THSD4: variants seen among roughly 807,000 people sequenced by gnomAD.
The protein encoded by THSD4 is thrombospondin type 1 domain containing 4.
THSD4 carries 69 observed loss-of-function variants against 119.0 expected under a neutral mutation model. The observed-to-expected ratio is 0.58, with a 90% CI of 0.48 to 0.71. THSD4 has a LOEUF of 0.71. Among genes scored for constraint, THSD4 ranks in the 30% least tolerant of loss-of-function variants. The pLI is 0.00. For missense variants in THSD4, 1,393 were observed against 1,391.1 expected (o/e 1.00, Z -0.02); for synonymous variants, 524 against 540.4 (o/e 0.97, Z 0.42).
At chr15:71,153,440 A>G (rs967336630) in intron 2 of THSD4, among the ~76,000 whole-genome samples, 2 of 152,102 alleles carry the variant, frequency 1.3e-5, no homozygotes, top group Non-Finnish European at 2.9e-5. Flanking sequence ...CTCAGCTGCA[A>G]CTCCATGACA....
intron 6 of THSD4, among the ~76,000 whole-genome samples, chr15:71,283,999 G>A (rs1018778489): frequency 3.3e-5 from 5 of 152,118 alleles, no homozygotes; most frequent in African/African-American, 9.7e-5. Context: ...TCACATTTTA[G>A]TTGGATTAAA....
At chr15:71,559,331 T>C (rs528767676) in intron 7 of THSD4, among the ~76,000 whole-genome samples, 5 of 152,274 alleles carry the variant, frequency 3.3e-5, no homozygotes, top group South Asian at 4.1e-4. Flanking sequence ...ATAGTCTGTT[T>C]TGGTGGTTTC....
chr15:71,655,486 T>C (rs1304180658), intron 7 of THSD4, among the ~76,000 whole-genome samples: 1 of 152,196 alleles, frequency 6.6e-6, no homozygotes, highest in Admixed American at 6.5e-5. Context: ...TAAAAGTGAA[T>C]AGACTTCAGA....
At chr15:71,331,272 C>T (rs898364828) in intron 6 of THSD4, among the ~76,000 whole-genome samples, 1 of 152,166 alleles carries the variant, frequency 6.6e-6, no homozygotes, top group African/African-American at 2.4e-5. Context: ...TCTGAAATCT[C>T]CAACTGGGAT....
intron 6 of THSD4, chr15:71,348,327 T>G (rs2045695714): frequency 6.6e-6 from 1 of 152,222 alleles, no homozygotes; most frequent in Non-Finnish European, 1.5e-5. Flanking sequence ...AACCTGCGAT[T>G]CTGCATTTTA....
Position 71,242,861 on chromosome 15 carries a change from A to G in THSD4, c.677A>G (p.Gln226Arg). The change falls in exon 5 of 18, where the codon CAA becomes CGA. Residue 226 changes from glutamine to arginine, a missense_variant. By Grantham distance (43) the Gln-to-Arg change is conservative. Coordinates refer to ENST00000261862, the MANE Select transcript of THSD4 (RefSeq NM_024817.3). The stretch of plus-strand genomic sequence containing the variant: ...GTCCCCCAACATGGGCCTTTGTACC[A>G]AAGTGACAGTGGCCCTCGCTCTGGA... ...HQVPQHGPLYQSDSGPRSGLQ... is the reference protein window; with the variant it reads ...HQVPQHGPLYRSDSGPRSGLQ... 6.2e-7 allele frequency: 1 copy of G among 1,614,240 alleles called. No individual in the cohort carries two copies. Among genetic ancestry groups the G allele is most frequent in the Non-Finnish European group, 8.5e-7 (1 of 1,180,040 alleles).
chr15:71,664,664 T>C (rs2141003090), intron 8 of THSD4, among the ~76,000 whole-genome samples: 1 of 152,242 alleles, frequency 6.6e-6, no homozygotes, highest in East Asian at 1.9e-4. Flanking sequence ...CACCCTCAAG[T>C]AGGCCCTAGT....
intron 7 of THSD4, among the ~76,000 whole-genome samples, chr15:71,508,410 C>G (rs1209729856): frequency 1.3e-5 from 2 of 152,218 alleles, no homozygotes; most frequent in Non-Finnish European, 2.9e-5. Context: ...TCCCCAGGTT[C>G]AGATGGTCAT....
At chr15:71,183,329 A>G (rs2043555396) in intron 3 of THSD4, 1 of 151,742 alleles carries the variant, frequency 6.6e-6, no homozygotes. Context: ...GACATGTGGG[A>G]ATTACGAGAG....
chr15:71,728,638 A>G lies in THSD4; in HGVS notation c.1447A>G (p.Thr483Ala). The G allele has an allele frequency of 6.2e-7, 1 of 1,614,206 alleles. No individual in the cohort carries two copies. The highest frequency in any genetic ancestry group is 8.5e-7 in the Non-Finnish European group (1 of 1,180,044). Residue 483 changes from threonine (T) to alanine (A), a missense_variant, in exon 9 of 18, where the codon ACC becomes GCC. Transcript: ENST00000261862. ...GKYEGGGTMF[T>A]YKRPNEISST... ...ATACGAGGGCGGAGGGACCATGTTC[A>G]CCTACAAGCGTCCAAATGAGATTTC...
intron 1 of THSD4, among the ~76,000 whole-genome samples, chr15:71,137,966 A>G (rs570633507): frequency 6.6e-6 from 1 of 152,342 alleles, no homozygotes; most frequent in East Asian, 1.9e-4. Flanking sequence ...TTGACATCTT[A>G]TCAGATCTGT....
intron 6 of THSD4, chr15:71,348,317 A>T (rs2045695512): frequency 6.6e-6 from 1 of 152,212 alleles, no homozygotes; most frequent in South Asian, 2.1e-4. Context: ...GGTCCACATG[A>T]ACCTGCGATT....
chr15:71,347,495 A>G (rs2045681285), intron 6 of THSD4, among the ~76,000 whole-genome samples: 1 of 152,096 alleles, frequency 6.6e-6, no homozygotes, highest in Non-Finnish European at 1.5e-5. Context: ...TCTACTTTCT[A>G]TCTATATACA....
intron 6 of THSD4, among the ~76,000 whole-genome samples, chr15:71,333,004 T>G (rs952496597): frequency 4.7e-5 from 7 of 149,408 alleles, no homozygotes; most frequent in African/African-American, 1.7e-4. Flanking sequence ...CACCTCTGCC[T>G]TTAAGCTTGG....
intron 6 of THSD4, among the ~76,000 whole-genome samples, chr15:71,334,866 T>C (rs1422404970): frequency 1.3e-5 from 2 of 152,200 alleles, no homozygotes; most frequent in African/African-American, 4.8e-5. Flanking sequence ...GTGCTGTCTA[T>C]CTGGGACAAA....
At chr15:71,108,798 T>C (rs2141342685) in intron 1 of THSD4, among the ~76,000 whole-genome samples, 1 of 152,284 alleles carries the variant, frequency 6.6e-6, no homozygotes, top group African/African-American at 2.4e-5. Flanking sequence ...GAGACCATCC[T>C]GGCCAGCATG....
At chr15:71,382,128 T>A (rs967964002) in intron 6 of THSD4, among the ~76,000 whole-genome samples, 1 of 152,166 alleles carries the variant, frequency 6.6e-6, no homozygotes, top group Admixed American at 6.5e-5. Context: ...GAAGTTTACA[T>A]AGTTGTAGGA....
In THSD4 at chr15:71,660,579, G is replaced by A. The variant is rs762902000; in HGVS notation, c.1202G>A (p.Cys401Tyr). ...GGCTCCGACAAAGTCGTGGACAAATGTGGGGTGTGTGGAGGAGACAACACG... is the reference window on the plus strand; with the variant it reads ...GGCTCCGACAAAGTCGTGGACAAATATGGGGTGTGTGGAGGAGACAACACG... ...YLGSDKVVDKCGVCGGDNTGC... is the reference protein window; with the variant it reads ...YLGSDKVVDKYGVCGGDNTGC... The change falls in exon 8 of 18, where the codon TGT (cysteine) becomes TAT (tyrosine). Residue 401 changes from cysteine (C) to tyrosine (Y), a missense_variant. Transcript: ENST00000261862. The A allele has an allele frequency of 1.2e-6, 2 of 1,614,188 alleles. No individual in the cohort carries two copies. Among genetic ancestry groups the A allele is most frequent in the Admixed American group, 1.7e-5 (1 of 60,022 alleles).
chr15:71,519,695 A>G (rs12898663), intron 7 of THSD4, among the ~76,000 whole-genome samples: 97,795 of 152,154 alleles, frequency 0.64, 32,177 homozygotes, highest in African/African-American at 0.78. Flanking sequence ...TCTGGTTTCT[A>G]TGTATGGAAC....
Sources: allele counts gnomAD v4.1 joint callset (sites outside exome capture counted in the v4.1 genomes callset), GRCh38; gene constraint gnomAD v4.1.1; transcripts MANE v1.5; gene names NCBI Gene and HGNC (gene_info 2026-07-23, HGNC 2026-07-21).